Variants in KIF4A observed in about 807,000 individuals in gnomAD.
KIF4A encodes the protein chromosome-associated kinesin KIF4A.
In KIF4A, 7 loss-of-function variants were observed where a neutral mutation model predicts 105.9. The observed-to-expected ratio is 0.07, with a 90% CI of 0.04 to 0.12. The LOEUF (loss-of-function observed/expected upper bound fraction) is 0.12. Ranked by LOEUF, KIF4A falls within the 10% of genes least tolerant of loss-of-function variation. The pLI is 1.00. For missense variants in KIF4A, 558 were observed against 929.2 expected, an observed-to-expected ratio of 0.60 and a Z score of 5.19; for synonymous variants, 281 against 331.3, an observed-to-expected ratio of 0.85 and a Z score of 1.65.
chrX:70,328,301 C>A (rs911335165), intron 7 of KIF4A, among the ~76,000 whole-genome samples: 30 of 111,170 alleles, frequency 2.7e-4, no homozygotes, highest in African/African-American at 8.8e-4. Context: ...GGCAGCCTCA[C>A]ATGGCAGATG....
intron 28 of KIF4A, among the ~76,000 whole-genome samples, chrX:70,409,201 A>G (rs746795039): frequency 1.8e-5 from 2 of 111,570 alleles, no homozygotes; most frequent in Admixed American, 1.9e-4. Flanking sequence ...AGGAGGTGTA[A>G]TTTAAGAAAA....
chrX:70,353,274 A>G lies in KIF4A; in HGVS notation c.1489-348A>G, dbSNP rs140674037. On this transcript the variant is annotated intron_variant, in intron 14 of 30. Transcript: ENST00000374403. ...AGGTACTAGAGGTCAGCTGTGTGAGAACAAATGAACCCTTTTCTCAATTTC... is the reference window on the plus strand; with the variant it reads ...AGGTACTAGAGGTCAGCTGTGTGAGGACAAATGAACCCTTTTCTCAATTTC... 7.2e-3 allele frequency among the ~76,000 whole-genome samples: 812 copies of G among 112,181 alleles called. 13 individuals are homozygous for G. The highest frequency in any genetic ancestry group is 0.025 in the African/African-American group (776 of 30,878).
chrX:70,392,026 A>G (rs1208156796), intron 20 of KIF4A, among the ~76,000 whole-genome samples: 1 of 111,592 alleles, frequency 9.0e-6, no homozygotes, highest in Non-Finnish European at 1.9e-5. Flanking sequence ...TAATTGTGAT[A>G]TATCATCCTT....
rs386417082 is a variant in KIF4A, at chrX:70,296,083, C to CTTTT, written c.236-898_236-895dup. Reference sequence around the variant, plus strand: ...TGTGAACATCTTTGAATAAATGATGCTTTTTTTTTTTTTTTTTTTTGAGAC... The same window carrying CTTTT: ...TGTGAACATCTTTGAATAAATGATGCTTTTTTTTTTTTTTTTTTTTTTTTGAGAC... On this transcript the variant is annotated intron_variant, in intron 3 of 30. Transcript: ENST00000374403. Among the ~76,000 whole-genome samples the CTTTT allele has an allele frequency of 9.7e-3, 631 of 64,925 alleles. 19 individuals carry two copies. Among genetic ancestry groups the CTTTT allele is most frequent in the Non-Finnish European group, 0.011 (411 of 38,681 alleles). 56.4% of individuals were successfully genotyped at this position (64,925 alleles called of 115,157 possible). A position where few individuals can be genotyped will look rare whatever the true frequency, so the allele number is the denominator to read the frequency against.
chrX:70,387,408 G>A, intron 20 of KIF4A, 111 bp downstream of exon 20: 1 of 526,847 alleles, frequency 1.9e-6, no homozygotes, highest in African/African-American at 2.4e-5. Flanking sequence ...AAAATCTAAA[G>A]TTCTACTTGA....
At position 70,310,353 on chromosome X, in the gene KIF4A, G is replaced by A. The variant is rs1022801965; in HGVS notation, c.778+7955G>A. 6.5e-5 allele frequency among the ~76,000 whole-genome samples: 7 copies of A among 107,588 alleles called. No individual in the cohort carries two copies. In the South Asian group the frequency reaches 2.9e-3, roughly 45 times the overall value. 93.4% of individuals were successfully genotyped at this position (107,588 alleles called of 115,157 possible). On this transcript the variant is annotated intron_variant, in intron 7 of 30. Coordinates refer to ENST00000374403, the MANE Select transcript of KIF4A (RefSeq NM_012310.5). Reference sequence around the variant, plus strand: ...TGTGTGTGTGTGTGTGTGTGTGCCTGGATTCTTTTGCTCAACATAGTGTTT... The same window carrying A: ...TGTGTGTGTGTGTGTGTGTGTGCCTAGATTCTTTTGCTCAACATAGTGTTT...
chrX:70,295,616 CAA>C (rs770433445), intron 3 of KIF4A, among the ~76,000 whole-genome samples: 28 of 110,172 alleles, frequency 2.5e-4, no homozygotes, highest in Non-Finnish European at 4.7e-4. Context: ...AAAGAAAACA[CAA>C]AAAATTTACC....
At chrX:70,359,784 C>G (rs1490925969) in intron 15 of KIF4A, among the ~76,000 whole-genome samples, 1 of 111,439 alleles carries the variant, frequency 9.0e-6, no homozygotes, top group South Asian at 3.8e-4. Flanking sequence ...AACTGCCCAC[C>G]CTGGGTTGTG....
rs1320664008 is a variant in KIF4A, at chrX:70,311,154, A to G, written c.778+8756A>G. On this transcript the variant is annotated intron_variant, in intron 7 of 30. Coordinates refer to ENST00000374403, the MANE Select transcript of KIF4A (RefSeq NM_012310.5). ...AAAAAAAAGAAGAAGAAGAAGAAAA[A>G]GAAAGAAAATTATTCATTTTTTCTG... Among the ~76,000 whole-genome samples the G allele has an allele frequency of 5.4e-5, 6 of 110,219 alleles. No homozygotes were observed. In the Admixed American group the frequency reaches 5.8e-4, roughly 11 times the overall value.
intron 7 of KIF4A, among the ~76,000 whole-genome samples, chrX:70,320,105 C>T (rs2147685425): frequency 8.9e-6 from 1 of 111,968 alleles, no homozygotes; most frequent in South Asian, 3.7e-4. Flanking sequence ...TTTGCTTTTT[C>T]TTCTTGCTGA....
At chrX:70,321,434 CCTCTGTATTTCTAGCTTCAT>C (rs1401205535) in intron 7 of KIF4A, among the ~76,000 whole-genome samples, 1 of 111,972 alleles carries the variant, frequency 8.9e-6, no homozygotes, top group African/African-American at 3.2e-5. Flanking sequence ...TTTTCTGGTG[CCTCTGTATTTCTAGCTTCAT>C]CTCCCACCAT....
At chrX:70,346,027 C>A (rs1483392380) in intron 13 of KIF4A, among the ~76,000 whole-genome samples, 1 of 111,137 alleles carries the variant, frequency 9.0e-6, no homozygotes, top group African/African-American at 3.3e-5. Flanking sequence ...AGGGACAGGC[C>A]AACTCTGGGC....
chrX:70,364,054 G>C (rs1217141973), intron 15 of KIF4A, among the ~76,000 whole-genome samples: 3 of 112,289 alleles, frequency 2.7e-5, no homozygotes, highest in African/African-American at 9.7e-5. Flanking sequence ...AGAAATGTCT[G>C]TTCATATCCT....
chrX:70,296,782 G>A (rs2085785022), intron 3 of KIF4A, among the ~76,000 whole-genome samples: 1 of 112,130 alleles, frequency 8.9e-6, no homozygotes, highest in East Asian at 2.8e-4. Flanking sequence ...ACATTTTAGG[G>A]TTGGGTTTTG....
At chrX:70,366,663 C>T (rs923507054) in intron 15 of KIF4A, among the ~76,000 whole-genome samples, 3 of 111,956 alleles carry the variant, frequency 2.7e-5, no homozygotes, top group African/African-American at 9.8e-5. Flanking sequence ...GAGTGCTTTA[C>T]TTCCAACTAT....
intron 15 of KIF4A, among the ~76,000 whole-genome samples, chrX:70,354,438 G>A (rs751770771): frequency 3.5e-4 from 39 of 112,332 alleles, no homozygotes; most frequent in Non-Finnish European, 6.6e-4. Context: ...TACTCCCAAG[G>A]TATTATGTGT....
At chrX:70,334,579 T>C (rs1408824692) in intron 10 of KIF4A, among the ~76,000 whole-genome samples, 1 of 112,565 alleles carries the variant, frequency 8.9e-6, no homozygotes, top group East Asian at 2.8e-4. Flanking sequence ...GGAAACACTT[T>C]CTATGAAATA....
chrX:70,347,565 G>C (rs1287642963), intron 13 of KIF4A, among the ~76,000 whole-genome samples: 2 of 111,779 alleles, frequency 1.8e-5, no homozygotes, highest in South Asian at 3.8e-4. Context: ...GTCTCCAAAG[G>C]CCAGTGTTTT....
intron 15 of KIF4A, among the ~76,000 whole-genome samples, chrX:70,355,920 T>G (rs1006863738): frequency 8.9e-6 from 1 of 111,985 alleles, no homozygotes; most frequent in Non-Finnish European, 1.9e-5. Context: ...TTTTTCCCCC[T>G]AGGTTAGAGG....
Sources: allele counts gnomAD v4.1 joint callset (sites outside exome capture counted in the v4.1 genomes callset), GRCh38; gene constraint gnomAD v4.1.1; transcripts MANE v1.5; gene names NCBI Gene and HGNC (gene_info 2026-07-23, HGNC 2026-07-21).